Variants in DSCAM observed in about 807,000 individuals in gnomAD.
DSCAM encodes cell adhesion molecule DSCAM.
A neutral mutation model predicts 217.7 loss-of-function variants in DSCAM; 47 were observed. The ratio of observed to expected loss-of-function variants is 0.22; its 90% CI spans 0.17 to 0.28. DSCAM has a LOEUF of 0.28. Ranked by LOEUF, DSCAM falls within the 10% of genes least tolerant of loss-of-function variation. The pLI, the probability that DSCAM is intolerant of heterozygous loss-of-function variation, is 1.00. For missense variants in DSCAM, 2,080 were observed against 2,618.3 expected (o/e 0.79, Z 4.49); for synonymous variants, 1,056 against 1,015.3 (o/e 1.04, Z -0.76).
At chr21:40,518,887 C>G (rs75730709) in intron 3 of DSCAM, among the ~76,000 whole-genome samples, 13,943 of 151,794 alleles carry the variant, frequency 0.092, 1,176 homozygotes, top group African/African-American at 0.22. Flanking sequence ...GATGGCATAA[C>G]CTACTACACA....
intron 1 of DSCAM, among the ~76,000 whole-genome samples, chr21:40,795,919 A>T (rs1283357736): frequency 1.3e-5 from 2 of 152,242 alleles, no homozygotes; most frequent in Non-Finnish European, 2.9e-5. Flanking sequence ...CCTCAAGGGT[A>T]CAGCAACTGT....
At chr21:40,842,193 C>T (rs2092107967) in intron 1 of DSCAM, among the ~76,000 whole-genome samples, 1 of 152,208 alleles carries the variant, frequency 6.6e-6, no homozygotes, top group Non-Finnish European at 1.5e-5. Flanking sequence ...CCCTATCTCC[C>T]AGGCTGAGGG....
At chr21:40,627,122 T>A (rs1201245348) in intron 3 of DSCAM, among the ~76,000 whole-genome samples, 2 of 152,198 alleles carry the variant, frequency 1.3e-5, no homozygotes, top group East Asian at 3.8e-4. Context: ...GAGCTTTGTG[T>A]CCCTAACATC....
chr21:40,205,776 T>C lies in DSCAM; in HGVS notation c.2357-16538A>G, dbSNP rs113502431. Among the ~76,000 whole-genome samples, 203 of 152,264 alleles carry C rather than the reference T, an allele frequency of 1.3e-3. 2 individuals carry two copies. The highest frequency in any genetic ancestry group is 4.6e-3 in the African/African-American group (190 of 41,530). ...GAATATTATATTGTATATTTCCCCA[T>C]ATGCACATATAAAACAGGCATATAA... On this transcript the variant is annotated intron_variant, in intron 11 of 32. Transcript: ENST00000400454.
rs1393633119 is a variant in DSCAM at position 40,183,090 on chromosome 21, G to A, written c.2780-3996C>T. 7.4e-5 allele frequency among the ~76,000 whole-genome samples: 3 copies of A among 40,662 alleles called. 1 individual carries two copies. Among genetic ancestry groups the A allele is most frequent in the African/African-American group, 4.0e-4 (3 of 7,466 alleles). The allele number at this position is 40,662 out of a possible 152,430, so 26.7% of individuals were successfully genotyped here. A position where few individuals can be genotyped will look rare whatever the true frequency, so the allele number is the denominator to read the frequency against. Reference sequence around the variant, plus strand: ...ACAGGAGGGGGCTACCAGAGAAACCGTGGACGGGGGGGGTTACCAGAGAAA... The same window carrying A: ...ACAGGAGGGGGCTACCAGAGAAACCATGGACGGGGGGGGTTACCAGAGAAA... On this transcript the variant is annotated intron_variant, in intron 14 of 32. Coordinates refer to ENST00000400454, the MANE Select transcript of DSCAM (RefSeq NM_001389.5).
chr21:40,559,970 T>G (rs975116757), intron 3 of DSCAM, among the ~76,000 whole-genome samples: 3 of 151,976 alleles, frequency 2.0e-5, no homozygotes, highest in Non-Finnish European at 4.4e-5. Flanking sequence ...ATTTTTTGTA[T>G]TTTTAGTAGA....
intron 32 of DSCAM, among the ~76,000 whole-genome samples, chr21:40,033,159 TG>T (rs376851159): frequency 6.6e-6 from 1 of 151,972 alleles, no homozygotes; most frequent in Non-Finnish European, 1.5e-5. Context: ...GTATTGTGCC[TG>T]GGGGGGAGGA....
At chr21:40,615,834 A>G (rs1343152630) in intron 3 of DSCAM, among the ~76,000 whole-genome samples, 1 of 152,098 alleles carries the variant, frequency 6.6e-6, no homozygotes, top group Non-Finnish European at 1.5e-5. Context: ...GGCTCTATTA[A>G]AAAAAGAAAA....
intron 1 of DSCAM, among the ~76,000 whole-genome samples, chr21:40,845,321 T>TA (rs1265821139): frequency 9.2e-5 from 14 of 152,210 alleles, no homozygotes; most frequent in Non-Finnish European, 1.8e-4. Context: ...ACCGTTTTTT[T>TA]AAAAAATTGA....
Position 40,075,108 on chromosome 21 carries a change from A to G in DSCAM, c.4817T>C (p.Val1606Ala). 1 of 1,613,926 alleles carries G rather than the reference A, an allele frequency of 6.2e-7. No homozygotes were observed. Among genetic ancestry groups the G allele is most frequent in the Non-Finnish European group, 8.5e-7 (1 of 1,179,996 alleles). The change falls in exon 27 of 33, where the codon GTC becomes GCC. Residue 1606 changes from valine to alanine, a missense_variant. Around this residue, in one of 5 missense-constraint regions of DSCAM, gnomAD observed 1,144 missense variants for 1,421.1 expected, o/e 0.81. Coordinates refer to ENST00000400454, the MANE Select transcript of DSCAM (RefSeq NM_001389.5). ...CAGCAGGAGCACAAACAGCAGCAAGACCCCCACCAGGATACAGGAGATGGT... is the reference window on the plus strand; with the variant it reads ...CAGCAGGAGCACAAACAGCAGCAAGGCCCCCACCAGGATACAGGAGATGGT... ...LVTISCILVG[V>A]LLLFVLLLVV... is the part of the protein sequence containing the mutation.
chr21:40,031,495 G>A (rs565629155), intron 32 of DSCAM, among the ~76,000 whole-genome samples: 2 of 152,268 alleles, frequency 1.3e-5, no homozygotes, highest in East Asian at 3.9e-4. Context: ...ACTCCTCACA[G>A]TCTCATTCAT....
At position 40,334,006 on chromosome 21, in the gene DSCAM, T is replaced by C. The variant is rs73355309; in HGVS notation, c.1783+4095A>G. ...AAATCTAAAAATAGGTAAACTTACA[T>C]TTCAAACAGTCCTTGTTTGAATTTT... On this transcript the variant is annotated intron_variant, in intron 8 of 32. Coordinates refer to ENST00000400454, the MANE Select transcript of DSCAM (RefSeq NM_001389.5). Among the ~76,000 whole-genome samples, 494 of 152,312 alleles carry C rather than the reference T, an allele frequency of 3.2e-3. 2 individuals carry two copies. The highest frequency in any genetic ancestry group is 0.011 in the African/African-American group (462 of 41,578).
chr21:40,616,949 G>A (rs1452438642), intron 3 of DSCAM, among the ~76,000 whole-genome samples: 24 of 145,840 alleles, frequency 1.6e-4, no homozygotes, highest in Non-Finnish European at 2.9e-4. Context: ...CCCGGGAGGC[G>A]GAGCTTGCAG....
intron 3 of DSCAM, among the ~76,000 whole-genome samples, chr21:40,543,683 C>T (rs2146137842): frequency 6.6e-6 from 1 of 152,230 alleles, no homozygotes; most frequent in Admixed American, 6.5e-5. Context: ...TGGTATCAGT[C>T]TTCCACCTTT....
intron 10 of DSCAM, among the ~76,000 whole-genome samples, chr21:40,277,442 G>A (rs1467080191): frequency 1.3e-5 from 2 of 152,102 alleles, no homozygotes; most frequent in African/African-American, 4.8e-5. Context: ...GACTGTGGCT[G>A]TGCCTTCCTT....
chr21:40,368,860 AAATGCT>A (rs2074862473), intron 4 of DSCAM, among the ~76,000 whole-genome samples: 1 of 152,252 alleles, frequency 6.6e-6, no homozygotes, highest in Non-Finnish European at 1.5e-5. Flanking sequence ...GTGCTCCCTG[AAATGCT>A]AACGCATCAT....
At chr21:40,565,491 A>T (rs1208099514) in intron 3 of DSCAM, among the ~76,000 whole-genome samples, 2 of 152,238 alleles carry the variant, frequency 1.3e-5, no homozygotes, top group African/African-American at 4.8e-5. Context: ...TGTCATAGAA[A>T]TAGGTCACAC....
chr21:40,672,195 T>C (rs912558610), intron 3 of DSCAM, among the ~76,000 whole-genome samples: 3 of 152,106 alleles, frequency 2.0e-5, no homozygotes, highest in Admixed American at 2.0e-4. Flanking sequence ...TACAGTCACA[T>C]TGGGGGTTAG....
chr21:40,110,194 G>A (rs1031682991), intron 20 of DSCAM, among the ~76,000 whole-genome samples: 3 of 152,118 alleles, frequency 2.0e-5, no homozygotes, highest in African/African-American at 7.2e-5. Flanking sequence ...ACCTCACACG[G>A]CCAGGTACTC....
Sources: allele counts gnomAD v4.1 joint callset (sites outside exome capture counted in the v4.1 genomes callset), GRCh38; gene constraint gnomAD v4.1.1; regional missense constraint gnomAD v4.1.1; transcripts MANE v1.5; gene names NCBI Gene and HGNC (gene_info 2026-07-23, HGNC 2026-07-21).